NRG3: variants seen among roughly 807,000 people sequenced by gnomAD.
NRG3 encodes neuregulin 3.
In NRG3, 31 loss-of-function variants were observed where a neutral mutation model predicts 66.9. The observed-to-expected ratio is 0.46, with a 90% CI of 0.35 to 0.63. The LOEUF is 0.63. NRG3 is among the 20% of genes least tolerant of loss of function. NRG3 has a pLI of 0.00. For synonymous variants in NRG3, 393 were observed against 359.4 expected (o/e 1.09, Z -1.06); for missense variants, 910 against 878.9 (o/e 1.04, Z -0.45).
chr10:82,333,757 G>T (rs1365603275), intron 1 of NRG3, among the ~76,000 whole-genome samples: 1 of 152,100 alleles, frequency 6.6e-6, no homozygotes, highest in African/African-American at 2.4e-5. Context: ...ATTTTGGGTG[G>T]AGTCTGAGTG....
At chr10:82,670,865 T>C (rs2053214347) in intron 2 of NRG3, among the ~76,000 whole-genome samples, 1 of 152,196 alleles carries the variant, frequency 6.6e-6, no homozygotes, top group Non-Finnish European at 1.5e-5. Flanking sequence ...CATAGAGAGT[T>C]TCCTGATTGC....
intron 2 of NRG3, among the ~76,000 whole-genome samples, chr10:82,642,664 TAAC>T (rs1436865311): frequency 6.6e-6 from 1 of 151,366 alleles, no homozygotes; most frequent in Non-Finnish European, 1.5e-5. Flanking sequence ...GAGAAAGAGA[TAAC>T]AAGAAGGAAA....
intron 3 of NRG3, among the ~76,000 whole-genome samples, chr10:82,751,825 A>G (rs1339133079): frequency 6.6e-6 from 1 of 152,154 alleles, no homozygotes; most frequent in South Asian, 2.1e-4. Context: ...TGTTCCTTAA[A>G]TATCTATTGC....
chr10:82,962,211 G>T (rs568179342), intron 6 of NRG3, among the ~76,000 whole-genome samples: 2 of 152,248 alleles, frequency 1.3e-5, no homozygotes, highest in African/African-American at 2.4e-5. Flanking sequence ...TAAAGCATCT[G>T]TGAGTAAAGA....
At chr10:82,330,250 G>A (rs1361571718) in intron 1 of NRG3, among the ~76,000 whole-genome samples, 4 of 152,098 alleles carry the variant, frequency 2.6e-5, no homozygotes, top group African/African-American at 9.7e-5. Context: ...TAAATTTGAA[G>A]AGGAAAGTCA....
intron 2 of NRG3, among the ~76,000 whole-genome samples, chr10:82,659,344 T>C (rs1183155141): frequency 6.6e-6 from 1 of 152,188 alleles, no homozygotes; most frequent in Non-Finnish European, 1.5e-5. Context: ...TGCAATTTTT[T>C]TTTAAACTTT....
At chr10:82,486,856 G>A (rs1842723246) in intron 2 of NRG3, among the ~76,000 whole-genome samples, 1 of 152,028 alleles carries the variant, frequency 6.6e-6, no homozygotes, top group African/African-American at 2.4e-5. Flanking sequence ...TCCACTTATA[G>A]GAGATCTCTA....
chr10:82,707,392 G>T (rs985867195), intron 2 of NRG3, among the ~76,000 whole-genome samples: 1 of 151,638 alleles, frequency 6.6e-6, no homozygotes. Flanking sequence ...ACAGGGTCTT[G>T]CTCTCTTTCC....
At chr10:82,930,841 G>A (rs1325669922) in intron 4 of NRG3, among the ~76,000 whole-genome samples, 5 of 152,120 alleles carry the variant, frequency 3.3e-5, no homozygotes, top group African/African-American at 7.2e-5. Flanking sequence ...ACTCGTGGTG[G>A]GTGGTGGGGG....
intron 2 of NRG3, among the ~76,000 whole-genome samples, chr10:82,430,161 G>A (rs2089702420): frequency 6.6e-6 from 1 of 152,050 alleles, no homozygotes; most frequent in South Asian, 2.1e-4. Flanking sequence ...TTTCTAGTAA[G>A]TCCATCATCT....
intron 1 of NRG3, among the ~76,000 whole-genome samples, chr10:82,065,454 T>C (rs910662317): frequency 1.3e-5 from 2 of 152,162 alleles, no homozygotes; most frequent in African/African-American, 4.8e-5. Context: ...GAAAGATATA[T>C]ACATTGTGTC....
At chr10:82,414,372 C>T (rs1349300062) in intron 2 of NRG3, among the ~76,000 whole-genome samples, 1 of 152,054 alleles carries the variant, frequency 6.6e-6, no homozygotes, top group Non-Finnish European at 1.5e-5. Context: ...CTTATATGGG[C>T]ATGGTTTGTG....
rs535975993 is a variant in NRG3, at chr10:82,356,064, C to T, written c.824-2675C>T. ...AAGCCTGATATCTGAGCTTTCCCACCCCAGACTTTTGCAGAGCCATTGACT... is the reference window on the plus strand; with the variant it reads ...AAGCCTGATATCTGAGCTTTCCCACTCCAGACTTTTGCAGAGCCATTGACT... On this transcript the variant is annotated intron_variant, in intron 1 of 8. Coordinates refer to ENST00000372141, the MANE Select transcript of NRG3 (RefSeq NM_001010848.4). Among the ~76,000 whole-genome samples the T allele has an allele frequency of 4.1e-4, 63 of 152,196 alleles. 1 individual carries two copies. The South Asian group carries it at 0.012, about 29-fold the overall frequency.
At chr10:82,380,686 CAT>C (rs1326284910) in intron 2 of NRG3, among the ~76,000 whole-genome samples, 2 of 152,064 alleles carry the variant, frequency 1.3e-5, no homozygotes, top group African/African-American at 4.8e-5. Context: ...ACGGGAAAAA[CAT>C]ATTTTTGAGG....
chr10:82,211,269 C>A (rs1211225528), intron 1 of NRG3, among the ~76,000 whole-genome samples: 1 of 152,128 alleles, frequency 6.6e-6, no homozygotes, highest in Non-Finnish European at 1.5e-5. Flanking sequence ...CTTAACCAAG[C>A]TTTAAACTTT....
intron 2 of NRG3, among the ~76,000 whole-genome samples, chr10:82,374,865 T>A (rs1364041259): frequency 6.6e-6 from 1 of 152,184 alleles, no homozygotes; most frequent in African/African-American, 2.4e-5. Flanking sequence ...CTTGTAAACA[T>A]GTTTGTGAAG....
intron 2 of NRG3, among the ~76,000 whole-genome samples, chr10:82,568,905 T>C (rs751660558): frequency 6.6e-6 from 1 of 151,804 alleles, no homozygotes; most frequent in Non-Finnish European, 1.5e-5. Flanking sequence ...TGCATTGTTT[T>C]TCTCTACATC....
Position 82,170,672 on chromosome 10 carries a change from ATATATATATATATATATATATATATG to A in NRG3, c.824-188064_824-188039del, listed in dbSNP as rs1179595667. On this transcript the variant is annotated intron_variant, in intron 1 of 8. Coordinates refer to ENST00000372141, the MANE Select transcript of NRG3 (RefSeq NM_001010848.4). Reference sequence around the variant, plus strand: ...ACTTGTGGTATATATATATATATATATATATATATATATATATATATATATGTAAATATATATAGGTATATAATAAG... The same window carrying A: ...ACTTGTGGTATATATATATATATATATAAATATATATAGGTATATAATAAG... Among the ~76,000 whole-genome samples the A allele has an allele frequency of 4.6e-5, 5 of 109,750 alleles. No homozygotes were observed. The East Asian group carries it at 1.2e-3, about 26-fold the overall frequency. 72.0% of individuals were successfully genotyped at this position (109,750 alleles called of 152,430 possible).
intron 2 of NRG3, among the ~76,000 whole-genome samples, chr10:82,369,496 C>T (rs1260770206): frequency 7.3e-6 from 1 of 137,416 alleles, no homozygotes; most frequent in East Asian, 2.1e-4. Flanking sequence ...GGTGGGGTCT[C>T]AGTATGTGGC....
Sources: allele counts gnomAD v4.1 joint callset (sites outside exome capture counted in the v4.1 genomes callset), GRCh38; gene constraint gnomAD v4.1.1; transcripts MANE v1.5; gene names NCBI Gene and HGNC (gene_info 2026-07-23, HGNC 2026-07-21).